The following COX11 variants were observed in gnomAD, a reference collection of about 807,000 sequenced individuals.
COX11 encodes cytochrome c oxidase copper chaperone COX11.
A neutral mutation model predicts 29.4 loss-of-function variants in COX11; 18 were observed. The ratio of observed to expected loss-of-function variants is 0.61; its 90% confidence interval spans 0.42 to 0.91. The LOEUF is 0.91. COX11 is among the 40% of genes least tolerant of loss of function. The pLI, the probability that COX11 is intolerant of heterozygous loss-of-function variation, is 0.00. For synonymous variants in COX11, 131 were observed against 124.0 expected (o/e 1.06, Z -0.38); for missense variants, 312 against 346.0 (o/e 0.90, Z 0.78).
At chr17:54,955,078 T>A (rs2049426525) in exon 1 of COX11, 1 of 152,196 alleles carries the variant, frequency 6.6e-6, no homozygotes, top group African/African-American at 2.4e-5. Context: ...TTCTACGGTC[T>A]CTGCACACAG....
At position 54,960,844 on chromosome 17, in the gene COX11, A is replaced by T. The variant is rs2077103599; in HGVS notation, c.*1889T>A. Among the ~76,000 whole-genome samples, 1 of 152,168 alleles carries T rather than the reference A, an allele frequency of 6.6e-6. No homozygotes were observed. Among genetic ancestry groups the T allele is most frequent in the Non-Finnish European group, 1.5e-5 (1 of 68,034 alleles). On this transcript the variant is annotated 3_prime_UTR_variant, in exon 4 of 4. Transcript: ENST00000299335. ...TCATCTGTAAATAGTAAGGCTTGGG[A>T]ATACAGTAGTTTATGGTATAGAAAT...
rs750343270 is a variant in COX11, at chr17:54,961,228, A to G, written c.*1505T>C. ...GAATACTGGCCATTTTCTTCTCTTT[A>G]TTTTAGAAGAAAGTGGATGATCAGC... On this transcript the variant is annotated 3_prime_UTR_variant, in exon 4 of 4. Transcript: ENST00000299335. The G allele has an allele frequency of 9.3e-6, 14 of 1,509,294 alleles. No homozygotes were observed. Among genetic ancestry groups the G allele is most frequent in the African/African-American group, 2.8e-5 (2 of 72,336 alleles). 93.5% of individuals were successfully genotyped at this position (1,509,294 alleles called of 1,614,324 possible).
rs3214380 is a variant in COX11, at chr17:54,961,964, CTTT to C, written c.*766_*768del. On this transcript the variant is annotated 3_prime_UTR_variant, in exon 4 of 4. Coordinates refer to ENST00000299335, the MANE Select transcript of COX11 (RefSeq NM_004375.5). Reference sequence around the variant, plus strand: ...AAATCACTATTAAAACAATTTAATACTTTTTTTTTTTAACAAAGGTTTGTTTCC... The same window carrying C: ...AAATCACTATTAAAACAATTTAATACTTTTTTTTAACAAAGGTTTGTTTCC... The C allele has an allele frequency of 9.3e-6, 8 of 860,066 alleles. No homozygotes were observed. Among genetic ancestry groups the C allele is most frequent in the African/African-American group, 7.4e-5 (4 of 53,958 alleles). 53.3% of individuals were successfully genotyped at this position (860,066 alleles called of 1,614,324 possible).
chr17:54,960,065 G>A (rs749339234), downstream of COX11, among the ~76,000 whole-genome samples: 12 of 152,174 alleles, frequency 7.9e-5, no homozygotes, highest in Non-Finnish European at 1.2e-4. Context: ...AAGAGACATA[G>A]GAATTGCAAC....
At chr17:54,963,920 TA>T (rs1479861480) in intron 2 of COX11, among the ~76,000 whole-genome samples, 1 of 152,112 alleles carries the variant, frequency 6.6e-6, no homozygotes, top group Non-Finnish European at 1.5e-5. Flanking sequence ...TAGCGAGGCT[TA>T]AAAAAATTTT....
downstream of COX11, among the ~76,000 whole-genome samples, chr17:54,958,788 C>A (rs1477274043): frequency 1.4e-5 from 2 of 143,800 alleles, no homozygotes; most frequent in African/African-American, 5.1e-5. Flanking sequence ...GCATTTACTA[C>A]AAGAAGAGAT....
chr17:54,964,790 C>A lies in COX11; in HGVS notation c.429G>T (p.Val143=). 1 of 1,613,770 alleles carries A rather than the reference C, an allele frequency of 6.2e-7. No homozygotes were observed. The highest frequency in any genetic ancestry group is 8.5e-7 in the Non-Finnish European group (1 of 1,179,930). Residue 143 remains valine (V), a synonymous_variant, in exon 2 of 4, where the codon GTG becomes GTT. Coordinates refer to ENST00000299335, the MANE Select transcript of COX11 (RefSeq NM_004375.5). ...TTTTAATGATTCGATCTTTAACAGG[C>A]ACCATGTTTTCAATCTTGTCTGAGG... is the stretch of plus-strand genomic sequence containing the variant. ...GHASDKIENM[V]PVKDRIIKIS...
chr17:54,957,535 G>C (rs1785500646), downstream of COX11: 1 of 152,180 alleles, frequency 6.6e-6, no homozygotes, highest in South Asian at 2.1e-4. Context: ...GGGAGAGACA[G>C]TAAAAAGCTG....
At chr17:54,954,482 T>C (rs2049392750) in exon 1 of COX11, 1 of 152,304 alleles carries the variant, frequency 6.6e-6, no homozygotes, top group Non-Finnish European at 1.5e-5. Context: ...AACAGGGGCC[T>C]GCTATTGCCA....
rs1183207553 is a variant in COX11 at position 54,963,300 on chromosome 17, A to G, written c.648+6T>C. On this transcript the variant is annotated splice_donor_region_variant and intron_variant, in intron 3 of 3. Coordinates refer to ENST00000299335, the MANE Select transcript of COX11 (RefSeq NM_004375.5). ...CATATTCTGTAAAGTTTACACTTTG[A>G]TGTACCTGTATTTTATTGAAATACT... 1 of 1,608,094 alleles carries G rather than the reference A, an allele frequency of 6.2e-7. No homozygotes were observed. The highest frequency in any genetic ancestry group is 2.2e-5 in the East Asian group (1 of 44,748).
Position 54,960,577 on chromosome 17 carries a change from A to T in COX11, c.*2156T>A, listed in dbSNP as rs1473520827. ...TGGCTTTGTTTCAGAGCTATTTATG[A>T]AGAAATTGATGCTCACCAGCACAAA... On this transcript the variant is annotated 3_prime_UTR_variant, in exon 4 of 4. Coordinates refer to ENST00000299335, the MANE Select transcript of COX11 (RefSeq NM_004375.5). The T allele has an allele frequency of 1.2e-6, 2 of 1,613,074 alleles. No individual in the cohort carries two copies. The highest frequency in any genetic ancestry group is 1.7e-6 in the Non-Finnish European group (2 of 1,179,678).
exon 1 of COX11, chr17:54,952,693 C>T (rs1010423822): frequency 6.6e-6 from 1 of 152,156 alleles, no homozygotes; most frequent in South Asian, 2.1e-4. Context: ...TGCACACTCT[C>T]CTCCTCCCTG....
In COX11 at chr17:54,961,351, G is replaced by A; in HGVS notation, c.*1382C>T. The A allele has an allele frequency of 1.9e-6, 3 of 1,551,260 alleles. No individual in the cohort carries two copies. The highest frequency in any genetic ancestry group is 2.6e-6 in the Non-Finnish European group (3 of 1,146,798). On this transcript the variant is annotated 3_prime_UTR_variant, in exon 4 of 4. Coordinates refer to ENST00000299335, the MANE Select transcript of COX11 (RefSeq NM_004375.5). ...CCTACCAACATGTCAAAGCCATGGT[G>A]GCACATTTCTGCTATAATGAAGATT...
chr17:54,967,614 T>C (rs1439076928), intron 1 of COX11, among the ~76,000 whole-genome samples: 1 of 121,524 alleles, frequency 8.2e-6, no homozygotes, highest in African/African-American at 3.1e-5. Context: ...ACCCCGTGTT[T>C]CTGACTCAGT....
chr17:54,963,056 T>C lies in COX11; in HGVS notation c.649-141A>G, dbSNP rs2077158134. On this transcript the variant is annotated intron_variant, in intron 3 of 3. Transcript: ENST00000299335. Reference sequence around the variant, plus strand: ...ATTAAATACACAGTTCTGTGATAAATTAAGAGCATCTTTTCATCTCAATGA... The same window carrying C: ...ATTAAATACACAGTTCTGTGATAAACTAAGAGCATCTTTTCATCTCAATGA... 2.1e-5 allele frequency: 17 copies of C among 820,302 alleles called. No individual in the cohort carries two copies. In the South Asian group the frequency reaches 3.3e-4, roughly 16 times the overall value. 50.8% of individuals were successfully genotyped at this position (820,302 alleles called of 1,614,324 possible).
At chr17:54,956,054 C>A (rs1339147152), downstream of COX11, among the ~76,000 whole-genome samples, 2 of 152,160 alleles carry the variant, frequency 1.3e-5, no homozygotes, top group Admixed American at 1.3e-4. Flanking sequence ...AGGGCTCAAC[C>A]CTGGGTCTCA....
chr17:54,967,996 C>T (rs199883995), intron 1 of COX11, among the ~76,000 whole-genome samples: 4 of 124,516 alleles, frequency 3.2e-5, no homozygotes, highest in African/African-American at 9.1e-5. Flanking sequence ...GGCTGCGGAC[C>T]TTTTTTTTTT....
downstream of COX11, chr17:54,956,718 T>G (rs1389733038): frequency 6.6e-6 from 1 of 152,092 alleles, no homozygotes; most frequent in Non-Finnish European, 1.5e-5. Flanking sequence ...GTGCTGGGAT[T>G]ATAGGCATGA....
rs1695088006 is a variant in COX11 at position 54,961,776 on chromosome 17, G to T, written c.*957C>A. The T allele has an allele frequency of 9.9e-7, 1 of 1,013,324 alleles. No individual in the cohort carries two copies. The highest frequency in any genetic ancestry group is 1.2e-6 in the Non-Finnish European group (1 of 847,954). The allele number at this position is 1,013,324 out of a possible 1,614,324, so 62.8% of individuals were successfully genotyped here. A position where few individuals can be genotyped will look rare whatever the true frequency, so the allele number is the denominator to read the frequency against. Reference sequence around the variant, plus strand: ...ATAATTGTCATTTAATTATATTTCAGGTGTCCTGAACAGGTCACTAGACTC... The same window carrying T: ...ATAATTGTCATTTAATTATATTTCATGTGTCCTGAACAGGTCACTAGACTC... On this transcript the variant is annotated 3_prime_UTR_variant, in exon 4 of 4. Transcript: ENST00000299335.
Sources: gnomAD v4.1 joint callset for allele counts (sites outside exome capture counted in the v4.1 genomes callset) on GRCh38, gnomAD v4.1.1 for gene constraint, MANE v1.5 for transcripts, NCBI Gene and HGNC (gene_info 2026-07-23, HGNC 2026-07-21) for gene names.